XPA: variants seen among roughly 807,000 people sequenced by gnomAD.
The protein encoded by XPA is XPA, DNA damage recognition and repair factor.
XPA carries 27 observed loss-of-function variants against 35.7 expected under a neutral mutation model. The ratio of observed to expected loss-of-function variants is 0.76; its 90% CI spans 0.56 to 1.04. The LOEUF (loss-of-function observed/expected upper bound fraction) is 1.04. XPA is among the 50% of genes least tolerant of loss of function. The pLI is 0.00. For missense variants in XPA, 354 were observed against 342.7 expected (o/e 1.03, Z -0.26); for synonymous variants, 133 against 118.4 (o/e 1.12, Z -0.80).
At chr9:97,662,004 G>A in the XPA span, 3 of 1,460,288 alleles carry the variant, frequency 2.1e-6, no homozygotes, top group African/African-American at 4.2e-5. Flanking sequence ...GAATTGCTGT[G>A]CTTACATTTT....
At chr9:97,681,061 C>A (rs562404331) in intron 5 of XPA, among the ~76,000 whole-genome samples, 3 of 152,284 alleles carry the variant, frequency 2.0e-5, no homozygotes, top group African/African-American at 7.2e-5. Flanking sequence ...ATACTTTTTA[C>A]AGACGAAAAA....
downstream of XPA, among the ~76,000 whole-genome samples, chr9:97,674,186 TGTC>T (rs1314496886): frequency 1.3e-5 from 2 of 151,782 alleles, no homozygotes; most frequent in Non-Finnish European, 2.9e-5. Flanking sequence ...GTTATTCTGT[TGTC>T]ATCATCTGTT....
In XPA at chr9:97,687,092, A is replaced by G; in HGVS notation, c.555+4T>C. The G allele has an allele frequency of 6.2e-7, 1 of 1,607,384 alleles. No homozygotes were observed. Among genetic ancestry groups the G allele is most frequent in the Non-Finnish European group, 8.5e-7 (1 of 1,178,058 alleles). On this transcript the variant is annotated splice_donor_region_variant and intron_variant, in intron 4 of 5. Coordinates refer to ENST00000375128, the MANE Select transcript of XPA (RefSeq NM_000380.4). ...AAAAATAATAAATACAACTTATTAG[A>G]GACCTGTAACTTTAAGTAGAGTTTC...
At chr9:97,678,689 T>C (rs150238578) in intron 5 of XPA, among the ~76,000 whole-genome samples, 8 of 152,364 alleles carry the variant, frequency 5.3e-5, no homozygotes. Flanking sequence ...GCACCATCAA[T>C]GGATGGACAC....
intron 5 of XPA, among the ~76,000 whole-genome samples, chr9:97,684,281 C>A (rs1207247154): frequency 6.6e-6 from 1 of 152,132 alleles, no homozygotes; most frequent in African/African-American, 2.4e-5. Flanking sequence ...TACAGACAGA[C>A]TTAACAGACA....
At chr9:97,665,637 T>C in the XPA span, among the ~76,000 whole-genome samples, 4 of 152,222 alleles carry the variant, frequency 2.6e-5, no homozygotes, top group Non-Finnish European at 5.9e-5. Context: ...ACTTGGAGTT[T>C]TATGAACAGA....
chr9:97,667,882 T>C, the XPA span, among the ~76,000 whole-genome samples: 1 of 152,306 alleles, frequency 6.6e-6, no homozygotes, highest in South Asian at 2.1e-4. Context: ...GTCTATCTAT[T>C]AGGTAGTAGT....
Position 97,693,691 on chromosome 9 carries a change from C to T in XPA, c.241G>A (p.Glu81Lys), listed in dbSNP as rs1828958728. ...TGGGFILEEE[E>K]EEEQKIGKVV... ...TTTCCAATTTTCTGTTCTTCTTCTT[C>T]TTCCTCTTCTAAAATGAAGCCTCCT... is the stretch of plus-strand genomic sequence containing the variant. The change falls in exon 2 of 6, where the codon GAA becomes AAA. Residue 81 changes from glutamate (E) to lysine (K), a missense_variant. Coordinates refer to ENST00000375128, the MANE Select transcript of XPA (RefSeq NM_000380.4). 3.1e-6 allele frequency: 5 copies of T among 1,613,536 alleles called. No individual in the cohort carries two copies. The East Asian group carries it at 1.1e-4, about 36-fold the overall frequency.
At chr9:97,695,037 C>A (rs1829000237) in intron 1 of XPA, among the ~76,000 whole-genome samples, 1 of 152,096 alleles carries the variant, frequency 6.6e-6, no homozygotes, top group African/African-American at 2.4e-5. Context: ...ATAGGTAATA[C>A]CAATCAAATG....
chr9:97,686,905 G>GA (rs1196530582), intron 4 of XPA, among the ~76,000 whole-genome samples, 191 bp downstream of exon 4: 2 of 151,402 alleles, frequency 1.3e-5, no homozygotes, highest in Non-Finnish European at 2.9e-5. Flanking sequence ...CTTATTGTTT[G>GA]AAAAAAGAAA....
the XPA span, among the ~76,000 whole-genome samples, chr9:97,655,214 T>G: frequency 2.6e-5 from 4 of 152,220 alleles, no homozygotes; most frequent in Admixed American, 6.5e-5. Context: ...TATCTGCAAT[T>G]TCTTTTTTTT....
the XPA span, chr9:97,661,941 C>A: frequency 1.6e-6 from 1 of 642,314 alleles, no homozygotes; most frequent in African/African-American, 1.8e-5. Flanking sequence ...ACACAAATAT[C>A]TGTGTATAGA....
chr9:97,660,981 G>A, the XPA span: 3 of 1,612,304 alleles, frequency 1.9e-6, no homozygotes, highest in Non-Finnish European at 2.5e-6. Flanking sequence ...CCTCTGTTTA[G>A]CTGTTGCCTT....
At chr9:97,670,071 C>T (rs896457336), downstream of XPA, 8 of 344,040 alleles carry the variant, frequency 2.3e-5, no homozygotes, top group African/African-American at 1.3e-4. Flanking sequence ...TACAGGCACC[C>T]GTCACTACTC....
the XPA span, among the ~76,000 whole-genome samples, chr9:97,667,354 A>G: frequency 6.6e-6 from 1 of 152,214 alleles, no homozygotes; most frequent in African/African-American, 2.4e-5. Context: ...GTGACTTAAC[A>G]TGATACTACT....
chr9:97,660,927 C>A, the XPA span: 1 of 1,603,162 alleles, frequency 6.2e-7, no homozygotes, highest in African/African-American at 1.3e-5. Flanking sequence ...ATTCCCCTTA[C>A]CCCCAATTCT....
At chr9:97,696,748 A>G (rs1247281456) in intron 1 of XPA, among the ~76,000 whole-genome samples, 1 of 152,232 alleles carries the variant, frequency 6.6e-6, no homozygotes, top group Non-Finnish European at 1.5e-5. Flanking sequence ...GCCAGAATCA[A>G]GAACTAGTCT....
chr9:97,684,589 T>C (rs1397809477), intron 5 of XPA, among the ~76,000 whole-genome samples: 2 of 152,176 alleles, frequency 1.3e-5, no homozygotes, highest in African/African-American at 2.4e-5. Flanking sequence ...GGTAGGTGTG[T>C]TTTTTATAAC....
At chr9:97,668,810 A>T in the XPA span, 1 of 1,601,692 alleles carries the variant, frequency 6.2e-7, no homozygotes, top group Non-Finnish European at 8.5e-7. Context: ...CTGGAATCTA[A>T]ATGGTATTTT....
Sources: allele counts gnomAD v4.1 joint callset (sites outside exome capture counted in the v4.1 genomes callset), GRCh38; gene constraint gnomAD v4.1.1; transcripts MANE v1.5; gene names NCBI Gene and HGNC (gene_info 2026-07-23, HGNC 2026-07-21).